AK8: variants seen among roughly 807,000 people sequenced by gnomAD.
The protein encoded by AK8 is adenylate kinase 8, also known as ATP-AMP transphosphorylase 8.
A neutral mutation model predicts 54.6 loss-of-function variants in AK8; 44 were observed. The observed-to-expected ratio is 0.81, with a 90% CI of 0.63 to 1.04. The LOEUF (loss-of-function observed/expected upper bound fraction) is 1.04, where lower values mean the gene tolerates loss of function less well. Among genes scored for constraint, AK8 ranks in the 50% least tolerant of loss-of-function variants. The pLI, the probability that AK8 is intolerant of heterozygous loss-of-function variation, is 0.00. For missense variants in AK8, 555 were observed against 613.6 expected (o/e 0.90, Z 1.01); for synonymous variants, 239 against 245.6 (o/e 0.97, Z 0.25).
chr9:132,837,605 G>A lies in AK8; in HGVS notation c.403-8879C>T, dbSNP rs991732854. Reference sequence around the variant, plus strand: ...CATCTCTTTTTCCTCTTCTACTGCAGTGAGAGGGATGATCTGAGGCATCAC... The same window carrying A: ...CATCTCTTTTTCCTCTTCTACTGCAATGAGAGGGATGATCTGAGGCATCAC... On this transcript the variant is annotated intron_variant, in intron 5 of 12. Coordinates refer to ENST00000298545, the MANE Select transcript of AK8 (RefSeq NM_152572.3). This position sits in a 1 kb window ranked among gnomAD's most constrained non-coding sequence, Gnocchi z 4.3. Among the ~76,000 whole-genome samples the A allele has an allele frequency of 2.6e-5, 4 of 152,178 alleles. No individual in the cohort carries two copies. The highest frequency in any genetic ancestry group is 9.7e-5 in the African/African-American group (4 of 41,432).
At chr9:132,841,745 A>G (rs939421335) in intron 5 of AK8, among the ~76,000 whole-genome samples, 15 of 152,204 alleles carry the variant, frequency 9.9e-5, no homozygotes, top group African/African-American at 3.4e-4. Context: ...AAAGACATTG[A>G]TAAGACAAAC....
intron 4 of AK8, among the ~76,000 whole-genome samples, chr9:132,861,151 A>G (rs1258532470): frequency 2.0e-5 from 3 of 152,220 alleles, no homozygotes; most frequent in Non-Finnish European, 2.9e-5. Flanking sequence ...GTGAACCCCC[A>G]GCATCCTGGG....
Position 132,860,509 on chromosome 9 carries a change from AG to A in AK8, c.333+3155del. Among the ~76,000 whole-genome samples, 1 of 152,212 alleles carries A rather than the reference AG, an allele frequency of 6.6e-6. No homozygotes were observed. ...AGGGAGAGTTCTAGAGGAAAAGGGAAGGCTCCAGGCATGCCTGAAGGAGGCT... is the reference window on the plus strand; with the variant it reads ...AGGGAGAGTTCTAGAGGAAAAGGGAAGCTCCAGGCATGCCTGAAGGAGGCT... On this transcript the variant is annotated intron_variant, in intron 4 of 12. Coordinates refer to ENST00000298545, the MANE Select transcript of AK8 (RefSeq NM_152572.3). The surrounding 1 kb of genome is among the most constrained non-coding windows in gnomAD (Gnocchi z 4.4).
At chr9:132,853,329 AC>A (rs1348877013) in intron 5 of AK8, among the ~76,000 whole-genome samples, 43 of 145,244 alleles carry the variant, frequency 3.0e-4, no homozygotes, top group African/African-American at 1.1e-3. Flanking sequence ...CTGCACTCCT[AC>A]CTGGGCGACA....
At chr9:132,786,076 C>A (rs1220009230) in intron 11 of AK8, among the ~76,000 whole-genome samples, 1 of 152,194 alleles carries the variant, frequency 6.6e-6, no homozygotes, top group East Asian at 1.9e-4. Context: ...CGAGCTGAGG[C>A]GGCCTCAGAA....
At chr9:132,831,348 G>A (rs1030846637) in intron 5 of AK8, among the ~76,000 whole-genome samples, 23 of 151,904 alleles carry the variant, frequency 1.5e-4, no homozygotes, top group African/African-American at 4.4e-4. Flanking sequence ...ATGCATTATC[G>A]TCTCATGTGC....
intron 11 of AK8, among the ~76,000 whole-genome samples, chr9:132,737,185 C>A (rs1837162424): frequency 6.6e-6 from 1 of 152,074 alleles, no homozygotes; most frequent in East Asian, 1.9e-4. Flanking sequence ...AGTTAGTAGA[C>A]ATTACAATGA....
chr9:132,741,869 A>G (rs1236005555), intron 11 of AK8, among the ~76,000 whole-genome samples: 1 of 152,160 alleles, frequency 6.6e-6, no homozygotes, highest in East Asian at 1.9e-4. Flanking sequence ...GGATTTTCCT[A>G]TTCTGCACAT....
intron 3 of AK8, among the ~76,000 whole-genome samples, chr9:132,865,059 G>A (rs1389176486): frequency 6.6e-6 from 1 of 152,074 alleles, no homozygotes; most frequent in Non-Finnish European, 1.5e-5. Flanking sequence ...GGTCTGCAGG[G>A]GACTCCAGGA....
At chr9:132,787,576 C>T (rs1839769625) in intron 11 of AK8, among the ~76,000 whole-genome samples, 1 of 152,170 alleles carries the variant, frequency 6.6e-6, no homozygotes, top group South Asian at 2.1e-4. Flanking sequence ...ATTTACCTCC[C>T]ATACACTGTT....
At position 132,827,016 on chromosome 9, in the gene AK8, C is replaced by T. The variant is rs1841899772; in HGVS notation, c.595G>A (p.Glu199Lys). ...HTTFDWPPES[E>K]IQNRLMVPED... ...GGCACCATGAGACGGTTCTGGATTT[C>T]AGATTCGGGTGGCCAGTCAAAGGTG... The change falls in exon 8 of 13, where the codon GAA (glutamate) becomes AAA (lysine). Residue 199 changes from glutamate (E) to lysine (K), a missense_variant. Glu to Lys is a moderately conservative substitution (Grantham distance 56). Transcript: ENST00000298545. The T allele has an allele frequency of 4.3e-6, 7 of 1,614,234 alleles. No homozygotes were observed. The highest frequency in any genetic ancestry group is 1.6e-4 in the Middle Eastern group (1 of 6,062).
chr9:132,806,193 T>C (rs1025587520), intron 10 of AK8, among the ~76,000 whole-genome samples: 2 of 151,878 alleles, frequency 1.3e-5, no homozygotes, highest in African/African-American at 4.8e-5. Context: ...GCGGGGCCCC[T>C]AAAGCTTGTG....
chr9:132,760,834 ATC>A (rs1052212303), intron 11 of AK8, among the ~76,000 whole-genome samples: 33 of 152,050 alleles, frequency 2.2e-4, no homozygotes, highest in Admixed American at 2.1e-3. Flanking sequence ...AAATAGCTAT[ATC>A]TCTTTTTCTT....
chr9:132,772,482 T>C (rs1839026479), intron 11 of AK8, among the ~76,000 whole-genome samples: 1 of 152,204 alleles, frequency 6.6e-6, no homozygotes, highest in Non-Finnish European at 1.5e-5. Context: ...AGGGCACACG[T>C]GCCATGTGAG....
intron 11 of AK8, among the ~76,000 whole-genome samples, chr9:132,749,323 C>G (rs1458944554): frequency 6.6e-6 from 1 of 151,910 alleles, no homozygotes; most frequent in Non-Finnish European, 1.5e-5. Flanking sequence ...TCTCAAGGTC[C>G]CATCCCTAGT....
chr9:132,830,052 G>A (rs902199962), intron 5 of AK8, among the ~76,000 whole-genome samples: 32 of 152,174 alleles, frequency 2.1e-4, no homozygotes, highest in African/African-American at 7.5e-4. Flanking sequence ...GGGGGTTGTG[G>A]GGAGGGGAAC....
chr9:132,786,219 T>C (rs1022881490), intron 11 of AK8, among the ~76,000 whole-genome samples: 1 of 152,174 alleles, frequency 6.6e-6, no homozygotes, highest in Non-Finnish European at 1.5e-5. Flanking sequence ...TGAAATTTGT[T>C]TCAGAAGAGA....
intron 11 of AK8, among the ~76,000 whole-genome samples, chr9:132,779,802 A>T (rs1839382686): frequency 6.6e-6 from 1 of 152,244 alleles, no homozygotes. Context: ...ATCCCATTGC[A>T]TAAAGGATAG....
intron 9 of AK8, 74 bp downstream of exon 9, chr9:132,823,131 G>T (rs1193657460): frequency 6.8e-7 from 1 of 1,473,368 alleles, no homozygotes; most frequent in South Asian, 1.5e-5. Flanking sequence ...CCCATAAAAT[G>T]AGAGCTGGGG....
Sources: allele counts gnomAD v4.1 joint callset (sites outside exome capture counted in the v4.1 genomes callset), GRCh38; gene constraint gnomAD v4.1.1; non-coding constraint Gnocchi (gnomAD v3.1); transcripts MANE v1.5; gene names NCBI Gene and HGNC (gene_info 2026-07-23, HGNC 2026-07-21).